The following ZNF778 variants were observed in gnomAD, a reference collection of about 807,000 sequenced individuals.
ZNF778 encodes the protein zinc finger protein 778.
ZNF778 carries 37 observed loss-of-function variants against 23.9 expected under a neutral mutation model. The observed-to-expected ratio is 1.54, with a 90% confidence interval of 1.19 to 2.03. The LOEUF (loss-of-function observed/expected upper bound fraction) is 2.03. ZNF778 is among the 30% of genes most tolerant of loss of function. The probability of loss-of-function intolerance (pLI) is 0.00; values close to 1 mark genes in which losing one functional copy is unlikely to be tolerated. For synonymous variants in ZNF778, 483 were observed against 343.9 expected (o/e 1.40, Z -4.48); for missense variants, 1,297 against 934.4 (o/e 1.39, Z -5.06).
At chr16:89,226,369 T>A (rs572637778) in intron 6 of ZNF778, among the ~76,000 whole-genome samples, 2 of 151,944 alleles carry the variant, frequency 1.3e-5, no homozygotes, top group Non-Finnish European at 2.9e-5. Context: ...CCATGCCCAG[T>A]TAATTTTGTA....
At position 89,233,904 on chromosome 16, in the gene ZNF778, G is replaced by T. The variant is rs888731988; in HGVS notation, c.*5342G>T. The T allele has an allele frequency of 7.8e-7, 1 of 1,289,538 alleles. No individual in the cohort carries two copies. The allele number at this position is 1,289,538 out of a possible 1,614,324, so 79.9% of individuals were successfully genotyped here. The stretch of plus-strand genomic sequence containing the variant: ...ATTTCTCCTCCCTGAAGTCAGCCCA[G>T]GATGAGGCACTAGACAGCAGGACAT... On this transcript the variant is annotated 3_prime_UTR_variant, in exon 7 of 7. Transcript: ENST00000433976.
Position 89,232,743 on chromosome 16 carries a change from C to G in ZNF778, c.*4181C>G, listed in dbSNP as rs938707751. ...GATCATTCCTAAAGATGGTAAACAA[C>G]TTGCTGGAAACATGCACTGCATATA... On this transcript the variant is annotated 3_prime_UTR_variant, in exon 7 of 7. Coordinates refer to ENST00000433976, the MANE Select transcript of ZNF778 (RefSeq NM_001201407.2). The G allele has an allele frequency of 9.3e-6, 12 of 1,283,838 alleles. No homozygotes were observed. The highest frequency in any genetic ancestry group is 1.5e-5 in the African/African-American group (1 of 65,816). The allele number at this position is 1,283,838 out of a possible 1,614,324, so 79.5% of individuals were successfully genotyped here. A position where few individuals can be genotyped will look rare whatever the true frequency, so the allele number is the denominator to read the frequency against.
rs1597365275 is a variant in ZNF778, at chr16:89,228,653, A to G, written c.*91A>G. 8.6e-6 allele frequency: 13 copies of G among 1,511,078 alleles called. No homozygotes were observed. The highest frequency in any genetic ancestry group is 1.1e-5 in the Non-Finnish European group (13 of 1,135,968). The allele number at this position is 1,511,078 out of a possible 1,614,324, so 93.6% of individuals were successfully genotyped here. A position where few individuals can be genotyped will look rare whatever the true frequency, so the allele number is the denominator to read the frequency against. ...TCTCCAGATGTCCATGACTTGAGGA[A>G]TGTGGCTAGGCAATCAGCATCTCAT... On this transcript the variant is annotated 3_prime_UTR_variant, in exon 7 of 7. Coordinates refer to ENST00000433976, the MANE Select transcript of ZNF778 (RefSeq NM_001201407.2).
Position 89,228,749 on chromosome 16 carries a change from C to T in ZNF778, c.*187C>T. ...ACACAGAGAAAGCCCTCAGTGTTCT[C>T]TAAGGTCTTGCTGAATATGGATGGT... On this transcript the variant is annotated 3_prime_UTR_variant, in exon 7 of 7. Coordinates refer to ENST00000433976, the MANE Select transcript of ZNF778 (RefSeq NM_001201407.2). The T allele has an allele frequency of 7.1e-7, 1 of 1,401,212 alleles. No homozygotes were observed. The highest frequency in any genetic ancestry group is 1.7e-5 in the South Asian group (1 of 59,922). 86.8% of individuals were successfully genotyped at this position (1,401,212 alleles called of 1,614,324 possible).
rs773542135 is a variant in ZNF778, at chr16:89,228,317, G to T, written c.2029G>T (p.Glu677Ter). ...HTGEKPYICNECGKAFRASSH... is the reference protein window; with the variant it reads ...HTGEKPYICN ...AGGAGAGAAACCTTACATATGTAAC[G>T]AGTGTGGGAAAGCCTTCCGTGCCTC... Residue 677 changes from glutamate (E) to a stop codon, truncating the protein, a stop_gained, in exon 7 of 7, where the codon GAG becomes TAG. Transcript: ENST00000433976. LOFTEE classifies it low-confidence loss of function (END_TRUNC). 38 of 1,613,652 alleles carry T rather than the reference G, an allele frequency of 2.4e-5. 1 individual carries two copies. The South Asian group carries it at 4.1e-4, about 17-fold the overall frequency.
Position 89,233,736 on chromosome 16 carries a change from T to A in ZNF778, c.*5174T>A, listed in dbSNP as rs1437898614. ...ACTGCGTATGCAACTCAACTCGCAC[T>A]GCATATGCAACTCAACTCGCACTGC... On this transcript the variant is annotated 3_prime_UTR_variant, in exon 7 of 7. Coordinates refer to ENST00000433976, the MANE Select transcript of ZNF778 (RefSeq NM_001201407.2). 10 of 1,030,008 alleles carry A rather than the reference T, an allele frequency of 9.7e-6. No individual in the cohort carries two copies. The highest frequency in any genetic ancestry group is 1.2e-5 in the Non-Finnish European group (10 of 808,480). The allele number at this position is 1,030,008 out of a possible 1,614,324, so 63.8% of individuals were successfully genotyped here.
At chr16:89,224,609 A>T (rs1467788533) in intron 4 of ZNF778, 110 bp from the exon 5 acceptor site, 6 of 779,090 alleles carry the variant, frequency 7.7e-6, no homozygotes, top group South Asian at 3.1e-5. Context: ...ACAGCGCGAG[A>T]CGCTGTCTCA....
At position 89,227,761 on chromosome 16, in the gene ZNF778, C is replaced by G; in HGVS notation, c.1473C>G (p.Ser491Arg). 1 of 1,613,112 alleles carries G rather than the reference C, an allele frequency of 6.2e-7. No homozygotes were observed. Among genetic ancestry groups the G allele is most frequent in the South Asian group, 1.1e-5 (1 of 91,034 alleles). Reference protein sequence around the residue: ...DCGKSFTVSSSLTEHARIHTG... With the variant: ...DCGKSFTVSSRLTEHARIHTG... ...GGAAATCCTTCACTGTTTCTTCAAGCCTGACTGAGCACGCGAGAATCCATA... is the reference window on the plus strand; with the variant it reads ...GGAAATCCTTCACTGTTTCTTCAAGGCTGACTGAGCACGCGAGAATCCATA... Residue 491 changes from serine to arginine, a missense_variant, in exon 7 of 7, where the codon AGC (serine) becomes AGG (arginine). Coordinates refer to ENST00000433976, the MANE Select transcript of ZNF778 (RefSeq NM_001201407.2).
Position 89,227,001 on chromosome 16 carries a change from C to G in ZNF778, c.713C>G (p.Ser238Ter). 1.2e-6 allele frequency: 2 copies of G among 1,613,968 alleles called. No individual in the cohort carries two copies. Among genetic ancestry groups the G allele is most frequent in the Non-Finnish European group, 1.7e-6 (2 of 1,179,886 alleles). The change falls in exon 7 of 7, where the codon TCA becomes TGA. Residue 238 changes from serine to a stop codon, truncating the protein, a stop_gained. Transcript: ENST00000433976. LOFTEE classifies it low-confidence loss of function (END_TRUNC). Reference protein sequence around the residue: ...SSCGEVFLNQSYLQARAGSHN... With the variant: ...SSCGEVFLNQ ...TGTGGGGAAGTGTTCCTTAATCAGTCATACCTTCAGGCACGTGCGGGAAGT... is the reference window on the plus strand; with the variant it reads ...TGTGGGGAAGTGTTCCTTAATCAGTGATACCTTCAGGCACGTGCGGGAAGT...
chr16:89,226,035 C>A (rs754173884), intron 6 of ZNF778, among the ~76,000 whole-genome samples: 7 of 152,114 alleles, frequency 4.6e-5, no homozygotes, highest in African/African-American at 1.7e-4. Context: ...CCTCAGCCTC[C>A]CAAGTAGCTG....
In ZNF778 at chr16:89,228,631, C is replaced by T. The variant is rs1373523186; in HGVS notation, c.*69C>T. The T allele has an allele frequency of 1.3e-6, 2 of 1,519,530 alleles. No individual in the cohort carries two copies. The allele number at this position is 1,519,530 out of a possible 1,614,324, so 94.1% of individuals were successfully genotyped here. ...GAAGACATGAAAGACCTCTCGTTCTCCAGATGTCCATGACTTGAGGAATGT... is the reference window on the plus strand; with the variant it reads ...GAAGACATGAAAGACCTCTCGTTCTTCAGATGTCCATGACTTGAGGAATGT... On this transcript the variant is annotated 3_prime_UTR_variant, in exon 7 of 7. Transcript: ENST00000433976.
Position 89,229,114 on chromosome 16 carries a change from C to G in ZNF778, c.*552C>G. The G allele has an allele frequency of 1.0e-6, 1 of 986,080 alleles. No homozygotes were observed. The highest frequency in any genetic ancestry group is 4.7e-5 in the South Asian group (1 of 21,322). 61.1% of individuals were successfully genotyped at this position (986,080 alleles called of 1,614,324 possible). ...ATTCTTGGAGTGAGGACTCTGTTCC[C>G]TGTAGAAATCCTCCAGTCTGGTTGC... On this transcript the variant is annotated 3_prime_UTR_variant, in exon 7 of 7. Transcript: ENST00000433976.
intron 5 of ZNF778, 68 bp from the exon 6 acceptor site, chr16:89,225,487 C>A (rs2031391650): frequency 1.6e-6 from 2 of 1,268,274 alleles, no homozygotes; most frequent in Admixed American, 2.3e-5. Flanking sequence ...TTTTTTTCTG[C>A]CATGTCTTAT....
In ZNF778 at chr16:89,224,801, A is replaced by AT; in HGVS notation, c.327_328insT (p.Glu110Ter). ...GGGCAGGGCGGAGAGCAGTTCTCCAAGGTAAGTGTGAAGAGCACGCCTGGT... is the reference window on the plus strand; with the variant it reads ...GGGCAGGGCGGAGAGCAGTTCTCCAATGGTAAGTGTGAAGAGCACGCCTGGT... On this transcript the variant is annotated frameshift_variant and splice_region_variant, in exon 5 of 7. Transcript: ENST00000433976. LOFTEE classifies it high-confidence loss of function. 1.7e-6 allele frequency: 2 copies of AT among 1,156,126 alleles called. No individual in the cohort carries two copies. The highest frequency in any genetic ancestry group is 6.0e-5 in the East Asian group (2 of 33,074). The allele number at this position is 1,156,126 out of a possible 1,614,324, so 71.6% of individuals were successfully genotyped here. A position where few individuals can be genotyped will look rare whatever the true frequency, so the allele number is the denominator to read the frequency against.
chr16:89,234,060 C>A lies in ZNF778; in HGVS notation c.*5498C>A. On this transcript the variant is annotated 3_prime_UTR_variant, in exon 7 of 7. Transcript: ENST00000433976. ...CTGGCTCTGACTTCTGCCTCCTGCC[C>A]AGCTCTGCAGCTCCCCTTGGGCCCT... is the stretch of plus-strand genomic sequence containing the variant. 1.4e-6 allele frequency: 1 copy of A among 704,234 alleles called. No individual in the cohort carries two copies. Among genetic ancestry groups the A allele is most frequent in the Non-Finnish European group, 2.2e-6 (1 of 453,946 alleles). The allele number at this position is 704,234 out of a possible 1,614,324, so 43.6% of individuals were successfully genotyped here.
intron 2 of ZNF778, among the ~76,000 whole-genome samples, chr16:89,221,368 G>A (rs746864297): frequency 1.3e-5 from 2 of 152,152 alleles, no homozygotes; most frequent in Non-Finnish European, 2.9e-5. Context: ...TTCTCACCAC[G>A]GGCAAATGAA....
intron 4 of ZNF778, 48 bp from the exon 5 acceptor site, chr16:89,224,671 A>G (rs2031302895): frequency 7.2e-7 from 1 of 1,386,868 alleles, no homozygotes; most frequent in Non-Finnish European, 9.9e-7. Context: ...TAGGTTTGTC[A>G]TCCCCTGCCT....
At position 89,221,104 on chromosome 16, in the gene ZNF778, A is replaced by G. The variant is rs752074365; in HGVS notation, c.-24A>G. 2 of 1,564,720 alleles carry G rather than the reference A, an allele frequency of 1.3e-6. No individual in the cohort carries two copies. The highest frequency in any genetic ancestry group is 1.2e-5 in the South Asian group (1 of 84,940). On this transcript the variant is annotated 5_prime_UTR_variant, in exon 2 of 7. Coordinates refer to ENST00000433976, the MANE Select transcript of ZNF778 (RefSeq NM_001201407.2). ...CCTTGGCTTCAGGAAAGGAGCATTC[A>G]GACGCTTCCGTCAGCCTCCCAGGAT...
Position 89,225,637 on chromosome 16 carries a change from A to T in ZNF778, c.405+6A>T. The T allele has an allele frequency of 6.2e-7, 1 of 1,610,308 alleles. No individual in the cohort carries two copies. ...CATCAAATGAGACACAGACGGTAAGATTAACAAGAGAGATTTTTTTATTTA... is the reference window on the plus strand; with the variant it reads ...CATCAAATGAGACACAGACGGTAAGTTTAACAAGAGAGATTTTTTTATTTA... On this transcript the variant is annotated splice_donor_region_variant and intron_variant, in intron 6 of 6. Coordinates refer to ENST00000433976, the MANE Select transcript of ZNF778 (RefSeq NM_001201407.2).
Sources: gnomAD v4.1 joint callset for allele counts (sites outside exome capture counted in the v4.1 genomes callset) on GRCh38, gnomAD v4.1.1 for gene constraint, MANE v1.5 for transcripts, NCBI Gene and HGNC (gene_info 2026-07-23, HGNC 2026-07-21) for gene names.